RELN: variants seen among roughly 807,000 people sequenced by gnomAD.
RELN encodes reelin.
Under a neutral mutation model 427.6 loss-of-function variants are expected in RELN, and 108 were observed. The observed-to-expected ratio is 0.25, with a 90% CI of 0.22 to 0.30. RELN has a LOEUF of 0.30. Ranked by LOEUF, RELN falls within the 10% of genes least tolerant of loss-of-function variation. The pLI is 1.00. For synonymous variants in RELN, 1,524 were observed against 1,513.4 expected (o/e 1.01, Z -0.16); for missense variants, 3,715 against 4,302.8 (o/e 0.86, Z 3.82).
At chr7:103,849,934 T>C (rs952839662) in intron 2 of RELN, among the ~76,000 whole-genome samples, 1 of 152,212 alleles carries the variant, frequency 6.6e-6, no homozygotes, top group African/African-American at 2.4e-5. Flanking sequence ...TAATAAAACA[T>C]ATGAAATCAT....
chr7:103,770,973 G>A (rs930622805), intron 4 of RELN, among the ~76,000 whole-genome samples: 5 of 143,672 alleles, frequency 3.5e-5, no homozygotes, highest in African/African-American at 1.0e-4. Flanking sequence ...GGAATGTAGT[G>A]GCACAATCTA....
In RELN at chr7:103,824,427, C is replaced by T. The variant is rs962362383; in HGVS notation, c.473+9110G>A. On this transcript the variant is annotated intron_variant, in intron 3 of 64. Transcript: ENST00000428762. The surrounding 1 kb of genome is among the most constrained non-coding windows in gnomAD (Gnocchi z 4.4). ...AGTGGGCCCAGTTCCAGCTCAGTCT[C>T]CTTTATTATCTCCTGCTGTCTTTTA... Among the ~76,000 whole-genome samples, 1 of 152,006 alleles carries T rather than the reference C, an allele frequency of 6.6e-6. No homozygotes were observed. Among genetic ancestry groups the T allele is most frequent in the African/African-American group, 2.4e-5 (1 of 41,390 alleles).
chr7:103,585,308 A>G, intron 28 of RELN, among the ~76,000 whole-genome samples: 1 of 152,186 alleles, frequency 6.6e-6, no homozygotes, highest in Non-Finnish European at 1.5e-5. Flanking sequence ...ATAGACTGCT[A>G]GATTATGCAA....
chr7:103,852,376 T>C (rs1471693919), intron 2 of RELN, among the ~76,000 whole-genome samples: 1 of 152,188 alleles, frequency 6.6e-6, no homozygotes, highest in African/African-American at 2.4e-5. Flanking sequence ...ACAAATTACC[T>C]GTGTTCACAT....
rs1316341893 is a variant in RELN, at chr7:103,649,707, T to C, written c.2002+567A>G. ...ATAAGTGGTATCGACTTTAAAATGA[T>C]GCAAAATTCCAAAAATTCACTTGAA... On this transcript the variant is annotated intron_variant, in intron 16 of 64. Transcript: ENST00000428762. 2.0e-5 allele frequency among the ~76,000 whole-genome samples: 3 copies of C among 151,066 alleles called. No homozygotes were observed. The East Asian group carries it at 5.9e-4, about 29-fold the overall frequency.
At chr7:103,707,877 T>C (rs1218095354) in intron 8 of RELN, among the ~76,000 whole-genome samples, 1 of 152,200 alleles carries the variant, frequency 6.6e-6, no homozygotes, top group Admixed American at 6.5e-5. Flanking sequence ...AAAGTTACAA[T>C]TTTACCATAA....
At chr7:103,474,258 A>G (rs537077873) in intron 64 of RELN, among the ~76,000 whole-genome samples, 4 of 152,250 alleles carry the variant, frequency 2.6e-5, no homozygotes, top group East Asian at 3.9e-4. Flanking sequence ...TCAAAAAGCA[A>G]TAGCATCTGT....
Position 103,483,780 on chromosome 7 carries a change from G to A in RELN, c.10054C>T (p.Pro3352Ser), listed in dbSNP as rs1202492754. 6.2e-7 allele frequency: 1 copy of A among 1,614,052 alleles called. No homozygotes were observed. The highest frequency in any genetic ancestry group is 1.1e-5 in the South Asian group (1 of 91,082). Residue 3352 changes from proline (P) to serine (S), a missense_variant, in exon 62 of 65, where the codon CCC becomes TCC. Physicochemically the swap from Pro to Ser is moderately conservative, Grantham distance 74. This residue lies in a region of RELN where 195 missense variants were observed against 281.3 expected (regional missense o/e 0.69). Transcript: ENST00000428762. ...AGCACTGCCTTGTCCACAGCGTGGG[G>A]GCCACTCAGGTCACTGTTGCAGCTG... is the stretch of plus-strand genomic sequence containing the variant. ...TDSCNSDLSG[P>S]HAVDKAVLLQ... is the part of the protein sequence containing the mutation.
intron 6 of RELN, among the ~76,000 whole-genome samples, chr7:103,746,749 A>C (rs1790844119): frequency 6.6e-6 from 1 of 151,080 alleles, no homozygotes; most frequent in Non-Finnish European, 1.5e-5. Context: ...GCGATCATTA[A>C]AAAGTCAGGA....
intron 20 of RELN, among the ~76,000 whole-genome samples, chr7:103,612,030 A>G (rs1831971923): frequency 6.6e-6 from 1 of 152,220 alleles, no homozygotes; most frequent in African/African-American, 2.4e-5. Context: ...AAATGTACCT[A>G]AAATTGGGTA....
intron 10 of RELN, among the ~76,000 whole-genome samples, chr7:103,682,920 C>T (rs924263119): frequency 1.3e-5 from 2 of 151,484 alleles, no homozygotes; most frequent in Non-Finnish European, 2.9e-5. Context: ...TCTTGTGATA[C>T]TTTTTCTAAA....
At chr7:103,946,335 A>G (rs1796220051) in intron 1 of RELN, among the ~76,000 whole-genome samples, 1 of 152,208 alleles carries the variant, frequency 6.6e-6, no homozygotes, top group Non-Finnish European at 1.5e-5. Flanking sequence ...TAAAATGTTT[A>G]ACAGATAAAC....
intron 51 of RELN, among the ~76,000 whole-genome samples, chr7:103,506,613 A>C (rs1357291099): frequency 6.7e-6 from 1 of 150,318 alleles, no homozygotes; most frequent in Non-Finnish European, 1.5e-5. Context: ...AAACATACCA[A>C]ATTGTAAAGA....
chr7:103,551,596 C>A (rs1340195868), intron 40 of RELN, among the ~76,000 whole-genome samples: 1 of 152,124 alleles, frequency 6.6e-6, no homozygotes, highest in Non-Finnish European at 1.5e-5. Flanking sequence ...GGCCCATTTT[C>A]CTAGCCAAGC....
At chr7:103,550,428 T>C (rs919219022) in intron 41 of RELN, among the ~76,000 whole-genome samples, 3 of 152,228 alleles carry the variant, frequency 2.0e-5, no homozygotes, top group African/African-American at 4.8e-5. Flanking sequence ...GACTGCTCTG[T>C]TGACTTCCTC....
intron 22 of RELN, 118 bp downstream of exon 22, chr7:103,610,577 G>T: frequency 1.4e-6 from 1 of 717,120 alleles, no homozygotes. Context: ...TAAACATCAT[G>T]CTATTGTGCT....
At chr7:103,780,995 G>A (rs2116229395) in intron 3 of RELN, among the ~76,000 whole-genome samples, 1 of 152,314 alleles carries the variant, frequency 6.6e-6, no homozygotes, top group South Asian at 2.1e-4. Flanking sequence ...TGTGCTGACA[G>A]ATAAACATCA....
chr7:103,845,854 C>T (rs1016664902), intron 2 of RELN, among the ~76,000 whole-genome samples: 21 of 152,080 alleles, frequency 1.4e-4, no homozygotes, highest in African/African-American at 5.1e-4. Flanking sequence ...GAAACGACTG[C>T]TCAAGAAAAT....
chr7:103,831,202 G>A (rs1363969724), intron 3 of RELN, among the ~76,000 whole-genome samples: 3 of 152,022 alleles, frequency 2.0e-5, no homozygotes, highest in African/African-American at 7.2e-5. Flanking sequence ...AGCAACTTTT[G>A]TTTTAAATTA....
Sources: allele counts gnomAD v4.1 joint callset (sites outside exome capture counted in the v4.1 genomes callset), GRCh38; gene constraint gnomAD v4.1.1; regional missense constraint gnomAD v4.1.1; non-coding constraint Gnocchi (gnomAD v3.1); transcripts MANE v1.5; gene names NCBI Gene and HGNC (gene_info 2026-07-23, HGNC 2026-07-21).